Variants in BTBD16 observed in about 807,000 individuals in gnomAD.
BTBD16 encodes BTB/POZ domain-containing protein 16.
BTBD16 carries 66 observed loss-of-function variants against 67.4 expected under a neutral mutation model. The ratio of observed to expected loss-of-function variants is 0.98; its 90% CI spans 0.80 to 1.20. The LOEUF is 1.20. BTBD16 is among the 50% of genes most tolerant of loss of function. The pLI is 0.00. For missense variants in BTBD16, 634 were observed against 616.0 expected, an observed-to-expected ratio of 1.03 and a Z score of -0.31; for synonymous variants, 242 against 236.4, an observed-to-expected ratio of 1.02 and a Z score of -0.22.
rs3817281 is a variant in BTBD16, at chr10:122,336,520, T to C, written c.1290T>C (p.Ser430=). ...MQRIKHTDLE[S]PSAVYEHNHV... Reference sequence around the variant, plus strand: ...GAATAAAGCACACAGACCTGGAATCTCCCTCTGCGGTCTACGAGCACAACC... The same window carrying C: ...GAATAAAGCACACAGACCTGGAATCCCCCTCTGCGGTCTACGAGCACAACC... Residue 430 remains serine (S), a synonymous_variant, in exon 15 of 16, where the codon TCT becomes TCC. Coordinates refer to ENST00000260723, the MANE Select transcript of BTBD16 (RefSeq NM_144587.5). The C allele has an allele frequency of 0.34, 550,454 of 1,602,004 alleles. 101,146 individuals carry two copies. The highest frequency in any genetic ancestry group is 0.73 in the East Asian group (32,682 of 44,594).
chr10:122,334,676 T>G (rs1434228611), intron 13 of BTBD16, among the ~76,000 whole-genome samples: 2 of 143,888 alleles, frequency 1.4e-5, no homozygotes, highest in Non-Finnish European at 3.1e-5. Context: ...CTGGCTAATT[T>G]TTTTTTTTTT....
chr10:122,334,990 A>G lies in BTBD16; in HGVS notation c.1263+11A>G, dbSNP rs1332361215. 8.0e-7 allele frequency: 1 copy of G among 1,255,230 alleles called. No homozygotes were observed. Among genetic ancestry groups the G allele is most frequent in the Non-Finnish European group, 1.1e-6 (1 of 877,108 alleles). 77.8% of individuals were successfully genotyped at this position (1,255,230 alleles called of 1,614,324 possible). A position where few individuals can be genotyped will look rare whatever the true frequency, so the allele number is the denominator to read the frequency against. Reference sequence around the variant, plus strand: ...AGTTTTTACATGCAGGTAAGGATAGAGTGCATGAAAGTTATGTCTCTGAGA... The same window carrying G: ...AGTTTTTACATGCAGGTAAGGATAGGGTGCATGAAAGTTATGTCTCTGAGA... On this transcript the variant is annotated intron_variant, in intron 14 of 15. Coordinates refer to ENST00000260723, the MANE Select transcript of BTBD16 (RefSeq NM_144587.5).
chr10:122,298,910 C>G, intron 8 of BTBD16, 94 bp from the exon 9 acceptor site: 5 of 1,521,192 alleles, frequency 3.3e-6, no homozygotes, highest in Middle Eastern at 1.9e-4. Flanking sequence ...TGCAGTGACT[C>G]TCCCTCTGAG....
chr10:122,329,686 T>C, intron 11 of BTBD16, 115 bp downstream of exon 11: 1 of 823,442 alleles, frequency 1.2e-6, no homozygotes, highest in Non-Finnish European at 1.9e-6. Flanking sequence ...ACCTGAATCG[T>C]GGCATTGTCA....
chr10:122,299,954 C>G (rs2096390834), intron 9 of BTBD16, among the ~76,000 whole-genome samples: 1 of 152,202 alleles, frequency 6.6e-6, no homozygotes, highest in Admixed American at 6.5e-5. Flanking sequence ...TGAAACTTCC[C>G]TGATGAACAC....
chr10:122,301,689 G>C (rs574988343), intron 9 of BTBD16, among the ~76,000 whole-genome samples: 19 of 152,286 alleles, frequency 1.2e-4, no homozygotes, highest in Non-Finnish European at 2.4e-4. Context: ...CAGGCTGCTG[G>C]CCGGTGGATT....
chr10:122,329,618 A>C (rs760547962), intron 11 of BTBD16, 47 bp downstream of exon 11: 19 of 1,526,360 alleles, frequency 1.2e-5, no homozygotes, highest in African/African-American at 2.7e-5. Context: ...GCTGCTGGGC[A>C]CCTGCCCACC....
intron 10 of BTBD16, among the ~76,000 whole-genome samples, chr10:122,317,069 G>GT (rs1452075859): frequency 1.3e-5 from 2 of 152,166 alleles, no homozygotes; most frequent in African/African-American, 4.8e-5. Context: ...GATTACAGGC[G>GT]TGAGTCACTG....
At position 122,311,830 on chromosome 10, in the gene BTBD16, C is replaced by A. The variant is rs10887122; in HGVS notation, c.911+4522C>A. Among the ~76,000 whole-genome samples, 7 of 152,274 alleles carry A rather than the reference C, an allele frequency of 4.6e-5. No individual in the cohort carries two copies. In the East Asian group the frequency reaches 1.2e-3, roughly 25 times the overall value. On this transcript the variant is annotated intron_variant, in intron 10 of 15. Coordinates refer to ENST00000260723, the MANE Select transcript of BTBD16 (RefSeq NM_144587.5). The stretch of plus-strand genomic sequence containing the variant: ...CCACCAAAAGTAAACAGTATCCTGA[C>A]CTCTTTTACTACCAATACATCTTCC...
intron 10 of BTBD16, chr10:122,328,759 A>G (rs1196928044): frequency 1.0e-5 from 10 of 985,288 alleles, no homozygotes; most frequent in Admixed American, 6.1e-5. Context: ...GAAGTGAGTT[A>G]TTTCAAAAGA....
At chr10:122,294,855 C>T (rs2096380225) in intron 7 of BTBD16, among the ~76,000 whole-genome samples, 2 of 152,244 alleles carry the variant, frequency 1.3e-5, no homozygotes, top group African/African-American at 4.8e-5. Context: ...TGCCAGCCTC[C>T]TGGGGCACTC....
chr10:122,291,259 G>A, intron 7 of BTBD16, 65 bp downstream of exon 7: 1 of 1,547,988 alleles, frequency 6.5e-7, no homozygotes, highest in Non-Finnish European at 8.7e-7. Flanking sequence ...GCAATTCCTG[G>A]CCCATTTGCT....
intron 12 of BTBD16, 186 bp from the exon 13 acceptor site, chr10:122,332,250 C>A: frequency 1.7e-6 from 1 of 591,654 alleles, no homozygotes; most frequent in Non-Finnish European, 3.0e-6. Context: ...GGACACAGTG[C>A]CAGACACAGT....
At chr10:122,303,014 T>G (rs2142086233) in intron 9 of BTBD16, among the ~76,000 whole-genome samples, 1 of 152,316 alleles carries the variant, frequency 6.6e-6, no homozygotes, top group East Asian at 1.9e-4. Context: ...ATAGGAATAT[T>G]AATATTTTTA....
chr10:122,310,186 C>T (rs976015727), intron 10 of BTBD16, among the ~76,000 whole-genome samples: 7 of 152,210 alleles, frequency 4.6e-5, no homozygotes, highest in African/African-American at 1.2e-4. Context: ...GACACATTTC[C>T]GTTTCTATTG....
intron 10 of BTBD16, among the ~76,000 whole-genome samples, chr10:122,316,933 A>G (rs1449511132): frequency 6.6e-6 from 1 of 152,074 alleles, no homozygotes; most frequent in Non-Finnish European, 1.5e-5. Context: ...GATTACAGGC[A>G]TGTGTCAGTG....
At chr10:122,325,316 C>G (rs1049660766) in intron 10 of BTBD16, among the ~76,000 whole-genome samples, 2 of 152,206 alleles carry the variant, frequency 1.3e-5, no homozygotes, top group African/African-American at 4.8e-5. Flanking sequence ...AATGCAGACA[C>G]AAACCCTGTC....
chr10:122,287,717 A>C (rs1327156531), intron 5 of BTBD16, among the ~76,000 whole-genome samples: 1 of 152,124 alleles, frequency 6.6e-6, no homozygotes, highest in Non-Finnish European at 1.5e-5. Flanking sequence ...GCTATCCTGG[A>C]ACTTCTGGCC....
At chr10:122,288,088 A>G (rs2096367123) in intron 5 of BTBD16, among the ~76,000 whole-genome samples, 1 of 150,382 alleles carries the variant, frequency 6.6e-6, no homozygotes, top group African/African-American at 2.4e-5. Flanking sequence ...TATGCCAGGC[A>G]TTGTGCTAGG....
Sources: allele counts gnomAD v4.1 joint callset (sites outside exome capture counted in the v4.1 genomes callset), GRCh38; gene constraint gnomAD v4.1.1; transcripts MANE v1.5; gene names NCBI Gene and HGNC (gene_info 2026-07-23, HGNC 2026-07-21).